The following INTS9 variants were observed in gnomAD, a reference collection of about 807,000 sequenced individuals.
INTS9 encodes the protein protein related to CPSF subunits of 74 kDa.
A neutral mutation model predicts 79.7 loss-of-function variants in INTS9; 55 were observed. That is an observed-to-expected ratio of 0.69 (90% CI 0.56 to 0.86). The LOEUF (loss-of-function observed/expected upper bound fraction) is 0.86, where lower values mean the gene tolerates loss of function less well. INTS9 is among the 40% of genes least tolerant of loss of function. INTS9 has a pLI of 0.00. For missense variants in INTS9, 721 were observed against 831.5 expected, an observed-to-expected ratio of 0.87 and a Z score of 1.64; for synonymous variants, 319 against 325.2, an observed-to-expected ratio of 0.98 and a Z score of 0.20.
intron 3 of INTS9, among the ~76,000 whole-genome samples, chr8:28,849,251 T>C (rs1333826759): frequency 6.6e-6 from 1 of 152,234 alleles, no homozygotes; most frequent in Non-Finnish European, 1.5e-5. Context: ...AACCTTCTTA[T>C]ACCTCTGATT....
chr8:28,836,056 C>T (rs755308099), intron 5 of INTS9, among the ~76,000 whole-genome samples: 3 of 152,056 alleles, frequency 2.0e-5, no homozygotes, highest in East Asian at 1.9e-4. Context: ...GTGATCCACC[C>T]GCCTCGGCCT....
chr8:28,856,606 A>T (rs997146075), intron 2 of INTS9, among the ~76,000 whole-genome samples: 2 of 152,154 alleles, frequency 1.3e-5, no homozygotes, highest in African/African-American at 4.8e-5. Flanking sequence ...AATTTTTGGT[A>T]GGCATTTTGG....
At chr8:28,784,823 C>T (rs1208866164) in intron 11 of INTS9, among the ~76,000 whole-genome samples, 2 of 152,132 alleles carry the variant, frequency 1.3e-5, no homozygotes, top group Non-Finnish European at 2.9e-5. Context: ...ACACTGCCCC[C>T]TCTCATCTAC....
At chr8:28,795,571 C>A (rs868756653) in intron 9 of INTS9, among the ~76,000 whole-genome samples, 1 of 131,788 alleles carries the variant, frequency 7.6e-6, no homozygotes, top group Non-Finnish European at 1.5e-5. Flanking sequence ...ACCTGGGAGG[C>A]GGAGGTTGCA....
intron 1 of INTS9, among the ~76,000 whole-genome samples, chr8:28,876,045 C>A (rs1313509145): frequency 6.6e-6 from 1 of 152,144 alleles, no homozygotes; most frequent in African/African-American, 2.4e-5. Context: ...CTCTGAGCCC[C>A]TTTTTGTTTC....
chr8:28,834,455 T>C (rs1563284024), intron 6 of INTS9, among the ~76,000 whole-genome samples: 1 of 152,192 alleles, frequency 6.6e-6, no homozygotes, highest in Non-Finnish European at 1.5e-5. Context: ...CTCACCTCTC[T>C]ACTCACCCTA....
At chr8:28,876,586 C>T (rs1055480807) in intron 1 of INTS9, among the ~76,000 whole-genome samples, 8 of 151,996 alleles carry the variant, frequency 5.3e-5, no homozygotes, top group African/African-American at 1.9e-4. Flanking sequence ...AAAAAGAATG[C>T]CCACTCTAAT....
Position 28,889,942 on chromosome 8 carries a change from C to T in INTS9, c.-60G>A, listed in dbSNP as rs1810541224. ...ACTCCTCAAACCCAGGAAGCGTCTT[C>T]CGGTGCAATCTCCGCCACCTGCCAG... On this transcript the variant is annotated 5_prime_UTR_variant, in exon 1 of 17. Coordinates refer to ENST00000521022, the MANE Select transcript of INTS9 (RefSeq NM_018250.4). 1.4e-6 allele frequency: 2 copies of T among 1,432,982 alleles called. No homozygotes were observed. The allele number at this position is 1,432,982 out of a possible 1,614,324, so 88.8% of individuals were successfully genotyped here.
chr8:28,826,454 A>G (rs1226783018), intron 6 of INTS9, among the ~76,000 whole-genome samples: 1 of 152,136 alleles, frequency 6.6e-6, no homozygotes, highest in Non-Finnish European at 1.5e-5. Context: ...CGGAGGAGGA[A>G]AGCCAAGCCG....
chr8:28,807,309 A>C (rs1563264292), intron 8 of INTS9, among the ~76,000 whole-genome samples: 2 of 152,304 alleles, frequency 1.3e-5, no homozygotes, highest in East Asian at 3.9e-4. Context: ...CCAAACTTTC[A>C]GGAAAAGATA....
chr8:28,825,281 G>A (rs1009100212), intron 6 of INTS9, among the ~76,000 whole-genome samples: 2 of 152,314 alleles, frequency 1.3e-5, no homozygotes, highest in Middle Eastern at 3.4e-3. Flanking sequence ...AGTGGCTAGA[G>A]AGCAGGGACC....
intron 12 of INTS9, 179 bp downstream of exon 12, chr8:28,780,637 CTGTCCAA>C: frequency 1.0e-6 from 1 of 985,460 alleles, no homozygotes; most frequent in Non-Finnish European, 1.2e-6. Flanking sequence ...GGATGCCCAG[CTGTCCAA>C]TGGCACACAC....
At chr8:28,833,650 CA>C (rs59185485) in intron 6 of INTS9, among the ~76,000 whole-genome samples, 192 of 113,338 alleles carry the variant, frequency 1.7e-3, no homozygotes, top group African/African-American at 6.0e-3. Flanking sequence ...AAACAAAAAC[CA>C]AAAAAAAAAC....
intron 14 of INTS9, among the ~76,000 whole-genome samples, chr8:28,772,925 C>G (rs1802634292): frequency 6.6e-6 from 1 of 152,158 alleles, no homozygotes; most frequent in African/African-American, 2.4e-5. Flanking sequence ...TCAATATTAG[C>G]AAGGAGGCAG....
intron 14 of INTS9, among the ~76,000 whole-genome samples, chr8:28,773,440 G>A (rs1802679244): frequency 7.0e-6 from 1 of 143,172 alleles, no homozygotes; most frequent in Non-Finnish European, 1.5e-5. Context: ...CTCCAGCTTG[G>A]GTGACAGAGC....
intron 1 of INTS9, among the ~76,000 whole-genome samples, chr8:28,875,432 G>A (rs12547528): frequency 0.026 from 3,966 of 152,126 alleles, 165 homozygotes; most frequent in Admixed American, 0.12. Flanking sequence ...ACTTTTCAAG[G>A]TCAGTTCAGA....
intron 6 of INTS9, among the ~76,000 whole-genome samples, chr8:28,824,660 G>A (rs1806045496): frequency 6.6e-6 from 1 of 152,172 alleles, no homozygotes; most frequent in African/African-American, 2.4e-5. Flanking sequence ...GACTGAGGCC[G>A]CCGCAGGGGC....
At chr8:28,788,176 G>A (rs1247467215) in intron 10 of INTS9, among the ~76,000 whole-genome samples, 1 of 152,090 alleles carries the variant, frequency 6.6e-6, no homozygotes, top group Admixed American at 6.5e-5. Context: ...AGTTTCCATG[G>A]CCTCTTCACC....
intron 1 of INTS9, among the ~76,000 whole-genome samples, chr8:28,868,969 C>T (rs907819727): frequency 4.6e-5 from 7 of 151,952 alleles, no homozygotes; most frequent in Non-Finnish European, 7.4e-5. Context: ...CGTGGTGGCA[C>T]GTACCTTTAA....
Sources: allele counts gnomAD v4.1 joint callset (sites outside exome capture counted in the v4.1 genomes callset), GRCh38; gene constraint gnomAD v4.1.1; transcripts MANE v1.5; gene names NCBI Gene and HGNC (gene_info 2026-07-23, HGNC 2026-07-21).